XPR1: variants seen among roughly 807,000 people sequenced by gnomAD.
XPR1 encodes xenotropic and polytropic retrovirus receptor 1.
In XPR1, 28 loss-of-function variants were observed where a neutral mutation model predicts 87.5. The observed-to-expected ratio is 0.32, with a 90% confidence interval of 0.24 to 0.44. The LOEUF is 0.44. Among genes scored for constraint, XPR1 ranks in the 20% least tolerant of loss-of-function variants. XPR1 has a pLI of 1.00. For missense variants in XPR1, 559 were observed against 862.3 expected, an observed-to-expected ratio of 0.65 and a Z score of 4.41; for synonymous variants, 300 against 306.1, an observed-to-expected ratio of 0.98 and a Z score of 0.21.
chr1:180,772,726 G>T (rs1648565110), intron 2 of XPR1, among the ~76,000 whole-genome samples: 2 of 152,292 alleles, frequency 1.3e-5, no homozygotes, highest in Middle Eastern at 3.4e-3. Flanking sequence ...CTCTTTGCCT[G>T]CTGGCATCCG....
intron 2 of XPR1, among the ~76,000 whole-genome samples, chr1:180,780,065 A>G (rs1648878676): frequency 6.6e-6 from 1 of 152,162 alleles, no homozygotes; most frequent in African/African-American, 2.4e-5. Flanking sequence ...TTGTTTATCC[A>G]TTTATCCATT....
chr1:180,721,760 G>A (rs940532194), intron 2 of XPR1, among the ~76,000 whole-genome samples: 1 of 151,986 alleles, frequency 6.6e-6, no homozygotes, highest in Non-Finnish European at 1.5e-5. Context: ...AAGTCATTGA[G>A]GATAAAGATT....
At chr1:180,663,211 T>C (rs887800962) in intron 1 of XPR1, among the ~76,000 whole-genome samples, 4 of 152,228 alleles carry the variant, frequency 2.6e-5, no homozygotes, top group Non-Finnish European at 5.9e-5. Flanking sequence ...GTTTGGGCAT[T>C]CAAGAGTTAT....
chr1:180,677,970 A>T (rs866776284), intron 1 of XPR1, among the ~76,000 whole-genome samples: 1 of 152,200 alleles, frequency 6.6e-6, no homozygotes, highest in Non-Finnish European at 1.5e-5. Context: ...CTGACTGCAG[A>T]TTTGAGGATT....
At chr1:180,728,306 G>T (rs561846928) in intron 2 of XPR1, among the ~76,000 whole-genome samples, 5 of 142,942 alleles carry the variant, frequency 3.5e-5, no homozygotes, top group South Asian at 2.4e-4. Flanking sequence ...CTGGGGGGGG[G>T]GGTAGTAATG....
At chr1:180,797,801 C>T (rs1649641502) in intron 3 of XPR1, among the ~76,000 whole-genome samples, 1 of 152,048 alleles carries the variant, frequency 6.6e-6, no homozygotes, top group South Asian at 2.1e-4. Context: ...GACATAAATA[C>T]TTAAGTTGTT....
chr1:180,718,060 G>T (rs1658057375), intron 2 of XPR1, among the ~76,000 whole-genome samples: 1 of 152,114 alleles, frequency 6.6e-6, no homozygotes, highest in South Asian at 2.1e-4. Flanking sequence ...CCAGTAATAA[G>T]ATACAACTTT....
rs1347856070 is a variant in XPR1, at chr1:180,696,950, G to C, written c.121+14539G>C. Among the ~76,000 whole-genome samples, 5 of 151,932 alleles carry C rather than the reference G, an allele frequency of 3.3e-5. No individual in the cohort carries two copies. In the East Asian group the frequency reaches 9.6e-4, roughly 29 times the overall value. On this transcript the variant is annotated intron_variant, in intron 2 of 14. Coordinates refer to ENST00000367590, the MANE Select transcript of XPR1 (RefSeq NM_004736.4). ...AGAGATATTGGCCTGTAGTTTTTTT[G>C]TTGTGTCTTTGTCTGATTTTGTTAT...
chr1:180,753,033 T>C (rs780779503), intron 2 of XPR1, among the ~76,000 whole-genome samples: 5 of 152,210 alleles, frequency 3.3e-5, no homozygotes, highest in Non-Finnish European at 5.9e-5. Flanking sequence ...CCATACATCA[T>C]GTAGAAAGAA....
At chr1:180,660,919 C>T (rs1655751274) in intron 1 of XPR1, among the ~76,000 whole-genome samples, 1 of 151,020 alleles carries the variant, frequency 6.6e-6, no homozygotes, top group African/African-American at 2.4e-5. Context: ...CTGTCTTGAT[C>T]ATCTGTCCAG....
intron 1 of XPR1, among the ~76,000 whole-genome samples, chr1:180,677,852 A>G (rs758553286): frequency 2.8e-4 from 43 of 152,204 alleles, no homozygotes; most frequent in Admixed American, 5.2e-4. Context: ...ATGAACAAGG[A>G]CAATTTGGAG....
At chr1:180,856,249 T>C (rs1346279839) in intron 11 of XPR1, among the ~76,000 whole-genome samples, 5 of 152,114 alleles carry the variant, frequency 3.3e-5, no homozygotes, top group Non-Finnish European at 7.3e-5. Context: ...TTTTAAGAGA[T>C]AAAGAGAAGC....
At chr1:180,805,345 C>T (rs1288196943) in intron 4 of XPR1, among the ~76,000 whole-genome samples, 1 of 152,112 alleles carries the variant, frequency 6.6e-6, no homozygotes, top group East Asian at 1.9e-4. Context: ...GAGTTTTTAG[C>T]TTTTTTGCAT....
chr1:180,712,941 C>CT (rs60236840), intron 2 of XPR1, among the ~76,000 whole-genome samples: 30,311 of 130,034 alleles, frequency 0.23, 3,520 homozygotes, highest in East Asian at 0.29. Flanking sequence ...CAGCTTTGTT[C>CT]TTTTTTTTTT....
At chr1:180,758,462 A>G (rs1330040955) in intron 2 of XPR1, among the ~76,000 whole-genome samples, 1 of 152,142 alleles carries the variant, frequency 6.6e-6, no homozygotes, top group Non-Finnish European at 1.5e-5. Flanking sequence ...TAATCCCAGC[A>G]CTTGGGAGGC....
intron 11 of XPR1, among the ~76,000 whole-genome samples, chr1:180,861,037 T>G (rs549649316): frequency 4.6e-5 from 7 of 152,232 alleles, no homozygotes; most frequent in African/African-American, 1.7e-4. Flanking sequence ...TCTTCAGTAA[T>G]TAGTAAAGAA....
At position 180,748,400 on chromosome 1, in the gene XPR1, C is replaced by CTTTTTTTTTTT. The variant is rs71297873; in HGVS notation, c.122-39328_122-39318dup. On this transcript the variant is annotated intron_variant, in intron 2 of 14. Coordinates refer to ENST00000367590, the MANE Select transcript of XPR1 (RefSeq NM_004736.4). The stretch of plus-strand genomic sequence containing the variant: ...TGCTACTCTGTGTTATTATTTATGT[C>CTTTTTTTTTTT]TTTTTTTTTTTTTTTTTTTTTTTTT... 2.6e-3 allele frequency among the ~76,000 whole-genome samples: 76 copies of CTTTTTTTTTTT among 29,678 alleles called. 24 individuals are homozygous for CTTTTTTTTTTT. Among genetic ancestry groups the CTTTTTTTTTTT allele is most frequent in the East Asian group, 0.013 (8 of 630 alleles). 19.5% of individuals were successfully genotyped at this position (29,678 alleles called of 152,430 possible). A position where few individuals can be genotyped will look rare whatever the true frequency, so the allele number is the denominator to read the frequency against.
intron 2 of XPR1, among the ~76,000 whole-genome samples, chr1:180,686,933 A>G (rs1456591333): frequency 6.6e-6 from 1 of 152,160 alleles, no homozygotes; most frequent in Non-Finnish European, 1.5e-5. Flanking sequence ...TAAGTCAGGA[A>G]TTGGCATTTA....
At chr1:180,855,373 A>T (rs941826422) in intron 11 of XPR1, among the ~76,000 whole-genome samples, 2 of 152,160 alleles carry the variant, frequency 1.3e-5, no homozygotes, top group Non-Finnish European at 2.9e-5. Context: ...TAACTTGAAA[A>T]GGGGTTTTTA....
Sources: allele counts gnomAD v4.1 joint callset (sites outside exome capture counted in the v4.1 genomes callset), GRCh38; gene constraint gnomAD v4.1.1; transcripts MANE v1.5; gene names NCBI Gene and HGNC (gene_info 2026-07-23, HGNC 2026-07-21).